Variants in MAGI1 observed in about 807,000 individuals in gnomAD.
MAGI1 encodes the protein membrane-associated guanylate kinase, WW and PDZ domain-containing protein 1.
A neutral mutation model predicts 139.9 loss-of-function variants in MAGI1; 58 were observed. The observed-to-expected ratio is 0.41, with a 90% CI of 0.34 to 0.52. The LOEUF (loss-of-function observed/expected upper bound fraction) is 0.52, where lower values mean the gene tolerates loss of function less well. Ranked by LOEUF, MAGI1 falls within the 20% of genes least tolerant of loss-of-function variation. MAGI1 has a pLI of 0.12. For missense variants in MAGI1, 1,874 were observed against 1,901.6 expected (o/e 0.99, Z 0.27); for synonymous variants, 812 against 737.9 (o/e 1.10, Z -1.63).
chr3:65,407,389 G>A lies in MAGI1; in HGVS notation c.2168-5919C>T, dbSNP rs142451542. ...TTGAACCTGGGAGGCGGAGGCTGCAGTGAGCCAAGATCACACCACTGCACT... is the reference window on the plus strand; with the variant it reads ...TTGAACCTGGGAGGCGGAGGCTGCAATGAGCCAAGATCACACCACTGCACT... On this transcript the variant is annotated intron_variant, in intron 12 of 22. Transcript: ENST00000402939. Among the ~76,000 whole-genome samples the A allele has an allele frequency of 7.1e-3, 1,071 of 151,208 alleles. 18 individuals are homozygous for A. Among genetic ancestry groups the A allele is most frequent in the East Asian group, 0.061 (311 of 5,118 alleles).
chr3:65,885,799 C>T (rs2060509051), intron 1 of MAGI1, among the ~76,000 whole-genome samples: 1 of 152,128 alleles, frequency 6.6e-6, no homozygotes, highest in African/African-American at 2.4e-5. Context: ...TTATAAATTA[C>T]CCAGTCTCAG....
Position 65,448,066 on chromosome 3 carries a change from A to G in MAGI1, c.1043-9T>C, listed in dbSNP as rs776093338. On this transcript the variant is annotated splice_polypyrimidine_tract_variant and intron_variant, in intron 6 of 22. Transcript: ENST00000402939. ...CTCGGTGTGTACCCCTTCTTCTCCAAAGGAATAGCAGGAATGAGACAGAAA... is the reference window on the plus strand; with the variant it reads ...CTCGGTGTGTACCCCTTCTTCTCCAGAGGAATAGCAGGAATGAGACAGAAA... 178 of 1,613,810 alleles carry G rather than the reference A, an allele frequency of 1.1e-4. No individual in the cohort carries two copies. The highest frequency in any genetic ancestry group is 1.3e-4 in the Non-Finnish European group (158 of 1,179,844).
intron 1 of MAGI1, among the ~76,000 whole-genome samples, chr3:65,646,035 T>C (rs182551062): frequency 6.6e-6 from 1 of 151,902 alleles, no homozygotes; most frequent in Admixed American, 6.6e-5. Context: ...AAAGACATAA[T>C]TTTTAAGGCT....
chr3:66,025,543 A>C (rs1023438825), intron 1 of MAGI1, among the ~76,000 whole-genome samples: 4 of 148,436 alleles, frequency 2.7e-5, no homozygotes, highest in Admixed American at 2.6e-4. Flanking sequence ...TCTCAAAAAC[A>C]AAAAAACAAA....
At chr3:66,005,972 T>A (rs911647582) in intron 1 of MAGI1, among the ~76,000 whole-genome samples, 3 of 152,088 alleles carry the variant, frequency 2.0e-5, no homozygotes, top group African/African-American at 7.2e-5. Flanking sequence ...GGGCCTCGAG[T>A]CAGTCACTTC....
chr3:65,965,229 C>G (rs1211305104), intron 1 of MAGI1, among the ~76,000 whole-genome samples: 1 of 152,202 alleles, frequency 6.6e-6, no homozygotes, highest in East Asian at 1.9e-4. Context: ...TCATTTAATT[C>G]AGTGTTCAAA....
Position 65,469,872 on chromosome 3 carries a change from T to C in MAGI1, c.959+411A>G, listed in dbSNP as rs904027428. 3 of 148,700 alleles carry C rather than the reference T, an allele frequency of 2.0e-5. No individual in the cohort carries two copies. In the East Asian group the frequency reaches 5.9e-4, roughly 29 times the overall value. 9.2% of individuals were successfully genotyped at this position (148,700 alleles called of 1,614,324 possible). ...AACAATAAGGACACTGTAGTTCAATTAAGAAAAAAAAGCAATATATTTATT... is the reference window on the plus strand; with the variant it reads ...AACAATAAGGACACTGTAGTTCAATCAAGAAAAAAAAGCAATATATTTATT... On this transcript the variant is annotated intron_variant, in intron 5 of 22. Coordinates refer to ENST00000402939, the MANE Select transcript of MAGI1 (RefSeq NM_001033057.2).
chr3:65,632,775 T>G (rs201177685), intron 1 of MAGI1, among the ~76,000 whole-genome samples: 2 of 152,340 alleles, frequency 1.3e-5, no homozygotes, highest in East Asian at 3.9e-4. Flanking sequence ...GGCAGATTTG[T>G]CCCTTGGGCC....
intron 1 of MAGI1, among the ~76,000 whole-genome samples, chr3:65,771,618 C>T (rs925547137): frequency 4.6e-5 from 7 of 152,124 alleles, no homozygotes; most frequent in Non-Finnish European, 8.8e-5. Flanking sequence ...TAGTTATTTG[C>T]TATTTAGCTT....
At chr3:65,868,545 G>T (rs1437551968) in intron 1 of MAGI1, among the ~76,000 whole-genome samples, 1 of 152,038 alleles carries the variant, frequency 6.6e-6, no homozygotes, top group Admixed American at 6.6e-5. Context: ...TCAGTTATGG[G>T]GTATCACAAA....
At chr3:65,757,513 C>A (rs1014731021) in intron 1 of MAGI1, among the ~76,000 whole-genome samples, 8 of 152,124 alleles carry the variant, frequency 5.3e-5, no homozygotes, top group Admixed American at 2.6e-4. Context: ...TGGTGCACAC[C>A]TGTAATCCCA....
intron 1 of MAGI1, among the ~76,000 whole-genome samples, chr3:65,879,482 C>T (rs1322239307): frequency 6.6e-6 from 1 of 152,062 alleles, no homozygotes; most frequent in Non-Finnish European, 1.5e-5. Flanking sequence ...ATAAATGTTA[C>T]CTAGGAGACA....
At chr3:65,600,006 C>G (rs972204872) in intron 2 of MAGI1, among the ~76,000 whole-genome samples, 1 of 152,206 alleles carries the variant, frequency 6.6e-6, no homozygotes, top group Non-Finnish European at 1.5e-5. Flanking sequence ...CAACCATGTA[C>G]ATAATACATA....
intron 2 of MAGI1, among the ~76,000 whole-genome samples, chr3:65,610,245 A>G (rs1442315707): frequency 6.6e-6 from 1 of 151,884 alleles, no homozygotes; most frequent in African/African-American, 2.4e-5. Context: ...CCACCTTTCA[A>G]TAGCTCGCCT....
chr3:65,677,589 G>C (rs2087277998), intron 1 of MAGI1, among the ~76,000 whole-genome samples: 1 of 152,182 alleles, frequency 6.6e-6, no homozygotes, highest in Non-Finnish European at 1.5e-5. Context: ...GTCAACACTG[G>C]ACCCAGACTT....
At chr3:65,538,330 C>T (rs867405595) in intron 2 of MAGI1, among the ~76,000 whole-genome samples, 9 of 152,132 alleles carry the variant, frequency 5.9e-5, no homozygotes, top group Admixed American at 2.0e-4. Flanking sequence ...AAGAATAATG[C>T]TTTAAGTGGC....
chr3:65,539,854 G>C (rs1225978519), intron 2 of MAGI1, among the ~76,000 whole-genome samples: 1 of 152,092 alleles, frequency 6.6e-6, no homozygotes, highest in Non-Finnish European at 1.5e-5. Context: ...TTCCTTCTTA[G>C]CCTCAGGAAC....
intron 2 of MAGI1, among the ~76,000 whole-genome samples, chr3:65,563,629 G>A (rs1381823480): frequency 1.3e-5 from 2 of 152,164 alleles, no homozygotes; most frequent in African/African-American, 4.8e-5. Context: ...GAGACACCTT[G>A]AGAGTGGACC....
At chr3:65,913,896 G>A (rs2061778545) in intron 1 of MAGI1, among the ~76,000 whole-genome samples, 1 of 152,020 alleles carries the variant, frequency 6.6e-6, no homozygotes, top group South Asian at 2.1e-4. Context: ...TCAATTCAAG[G>A]GGTTCTAACA....
Sources: allele counts gnomAD v4.1 joint callset (sites outside exome capture counted in the v4.1 genomes callset), GRCh38; gene constraint gnomAD v4.1.1; transcripts MANE v1.5; gene names NCBI Gene and HGNC (gene_info 2026-07-23, HGNC 2026-07-21).